CSMD1: variants seen among roughly 807,000 people sequenced by gnomAD.
CSMD1 encodes CUB and Sushi multiple domains 1.
A neutral mutation model predicts 417.5 loss-of-function variants in CSMD1; 213 were observed. That is an observed-to-expected ratio of 0.51 (90% CI 0.46 to 0.57). CSMD1 has a LOEUF of 0.57. CSMD1 is among the 20% of genes least tolerant of loss of function. The pLI, the probability that CSMD1 is intolerant of heterozygous loss-of-function variation, is 0.00. For synonymous variants in CSMD1, 2,862 were observed against 1,736.8 expected (o/e 1.65, Z -16.11); for missense variants, 6,923 against 4,529.7 (o/e 1.53, Z -15.17).
chr8:4,156,330 A>C (rs1035990178), intron 3 of CSMD1, among the ~76,000 whole-genome samples: 1 of 152,074 alleles, frequency 6.6e-6, no homozygotes. Flanking sequence ...ACGGCCGTGC[A>C]AAGTTTATGT....
chr8:3,434,055 TC>T (rs1258499254), intron 12 of CSMD1, among the ~76,000 whole-genome samples: 1 of 152,212 alleles, frequency 6.6e-6, no homozygotes, highest in Admixed American at 6.5e-5. Context: ...TTCCTGGCAT[TC>T]TTTGATTATG....
intron 1 of CSMD1, among the ~76,000 whole-genome samples, chr8:4,663,970 G>A (rs1396744419): frequency 6.6e-6 from 1 of 152,156 alleles, no homozygotes; most frequent in Admixed American, 6.5e-5. Flanking sequence ...ATAAGACTGA[G>A]GAAGTGGCTC....
intron 6 of CSMD1, among the ~76,000 whole-genome samples, chr8:3,713,006 G>A (rs918594631): frequency 1.3e-5 from 2 of 152,048 alleles, no homozygotes; most frequent in African/African-American, 2.4e-5. Context: ...TTTTCTCATC[G>A]CAAACCAAGA....
Position 3,078,565 on chromosome 8 carries a change from G to A in CSMD1, c.7474+8532C>T, listed in dbSNP as rs569426029. Among the ~76,000 whole-genome samples the A allele has an allele frequency of 2.6e-5, 4 of 152,286 alleles. No homozygotes were observed. In the South Asian group the frequency reaches 6.2e-4, roughly 24 times the overall value. ...TGGGTTGGCAGACTATGGCCTGTGG[G>A]TCGAAACCAGCCTGCAGCCTGTTTT... On this transcript the variant is annotated intron_variant, in intron 49 of 69. Transcript: ENST00000635120.
rs1184568281 is a variant in CSMD1, at chr8:4,761,894, CCTAT to C, written c.86-124340_86-124337del. On this transcript the variant is annotated intron_variant, in intron 1 of 69. Coordinates refer to ENST00000635120, the MANE Select transcript of CSMD1 (RefSeq NM_033225.6). ...ATCTATCTATCTATCTATCTACCTA[CCTAT>C]CTATCTATCTATCAATCTATCTATC... 8.2e-3 allele frequency among the ~76,000 whole-genome samples: 686 copies of C among 83,548 alleles called. 7 individuals carry two copies. Among genetic ancestry groups the C allele is most frequent in the Middle Eastern group, 0.031 (5 of 160 alleles). 54.8% of individuals were successfully genotyped at this position (83,548 alleles called of 152,430 possible). A position where few individuals can be genotyped will look rare whatever the true frequency, so the allele number is the denominator to read the frequency against.
chr8:4,810,495 G>C (rs1056763116), intron 1 of CSMD1, among the ~76,000 whole-genome samples: 2 of 152,052 alleles, frequency 1.3e-5, no homozygotes. Context: ...GTTATTATTT[G>C]GCAATTGTCT....
rs186680299 is a variant in CSMD1, at chr8:3,065,189, A to G, written c.7475-12542T>C. 2.1e-3 allele frequency among the ~76,000 whole-genome samples: 319 copies of G among 152,296 alleles called. 1 individual carries two copies. The highest frequency in any genetic ancestry group is 6.8e-3 in the Middle Eastern group (2 of 294). ...TTAAATTTCAAAAAGAAAAATATATAAAAAGAAAGATATATAGTGATAGAT... is the reference window on the plus strand; with the variant it reads ...TTAAATTTCAAAAAGAAAAATATATGAAAAGAAAGATATATAGTGATAGAT... On this transcript the variant is annotated intron_variant, in intron 49 of 69. Coordinates refer to ENST00000635120, the MANE Select transcript of CSMD1 (RefSeq NM_033225.6).
At chr8:4,078,173 T>A (rs1436253750) in intron 3 of CSMD1, among the ~76,000 whole-genome samples, 1 of 152,186 alleles carries the variant, frequency 6.6e-6, no homozygotes, top group Non-Finnish European at 1.5e-5. Flanking sequence ...GCAATTCAGT[T>A]TGCTATTTTC....
chr8:3,829,471 G>A (rs760187366), intron 5 of CSMD1, among the ~76,000 whole-genome samples: 23 of 152,024 alleles, frequency 1.5e-4, no homozygotes, highest in Non-Finnish European at 1.8e-4. Context: ...AGCCCTTGCC[G>A]CCACCCTGCT....
intron 5 of CSMD1, among the ~76,000 whole-genome samples, chr8:3,971,300 T>A (rs1813071604): frequency 6.6e-6 from 1 of 152,184 alleles, no homozygotes; most frequent in African/African-American, 2.4e-5. Flanking sequence ...TCCTCATGGG[T>A]TCTCCTGAGT....
intron 4 of CSMD1, among the ~76,000 whole-genome samples, chr8:4,002,412 T>G (rs1031763902): frequency 1.3e-5 from 2 of 152,206 alleles, no homozygotes; most frequent in African/African-American, 4.8e-5. Context: ...GCTACCTAAC[T>G]AATATGTTTG....
At chr8:4,901,755 G>A (rs1294782137) in intron 1 of CSMD1, among the ~76,000 whole-genome samples, 1 of 152,188 alleles carries the variant, frequency 6.6e-6, no homozygotes, top group Non-Finnish European at 1.5e-5. Flanking sequence ...AGGACGGTAA[G>A]TAAATGATAG....
At chr8:4,277,179 A>T (rs1033880980) in intron 3 of CSMD1, among the ~76,000 whole-genome samples, 3 of 147,792 alleles carry the variant, frequency 2.0e-5, no homozygotes, top group African/African-American at 7.4e-5. Context: ...ATACATATTT[A>T]TATGTCATCT....
At chr8:4,575,740 A>C (rs1246643319) in intron 2 of CSMD1, among the ~76,000 whole-genome samples, 1 of 152,178 alleles carries the variant, frequency 6.6e-6, no homozygotes, top group Non-Finnish European at 1.5e-5. Context: ...AGTATTCTTG[A>C]TTTTCTTCTC....
chr8:4,541,967 C>A (rs993410737), intron 2 of CSMD1, among the ~76,000 whole-genome samples: 3 of 152,124 alleles, frequency 2.0e-5, no homozygotes, highest in Admixed American at 1.3e-4. Context: ...TGAGGCCTGA[C>A]TGACCTCAGA....
At chr8:4,261,704 C>T (rs925858297) in intron 3 of CSMD1, among the ~76,000 whole-genome samples, 5 of 152,120 alleles carry the variant, frequency 3.3e-5, no homozygotes, top group African/African-American at 1.2e-4. Context: ...GTCACCTCTT[C>T]TGGCTGAGAG....
intron 3 of CSMD1, among the ~76,000 whole-genome samples, chr8:4,193,857 T>C (rs762415676): frequency 2.0e-5 from 3 of 151,914 alleles, no homozygotes; most frequent in Admixed American, 1.3e-4. Flanking sequence ...CATTCATTCT[T>C]CAGCACCGAG....
intron 3 of CSMD1, among the ~76,000 whole-genome samples, chr8:4,263,318 G>A (rs746644916): frequency 6.6e-6 from 1 of 151,966 alleles, no homozygotes; most frequent in Non-Finnish European, 1.5e-5. Flanking sequence ...CACCAAAAGG[G>A]GCCTCTGTGA....
chr8:3,406,533 G>A (rs903781107), intron 14 of CSMD1, among the ~76,000 whole-genome samples: 13 of 152,192 alleles, frequency 8.5e-5, no homozygotes, highest in African/African-American at 2.6e-4. Context: ...AAGTGTCTGG[G>A]CTCAAGATTT....
Sources: allele counts gnomAD v4.1 joint callset (sites outside exome capture counted in the v4.1 genomes callset), GRCh38; gene constraint gnomAD v4.1.1; transcripts MANE v1.5; gene names NCBI Gene and HGNC (gene_info 2026-07-23, HGNC 2026-07-21).